RRM2: variants seen among roughly 807,000 people sequenced by gnomAD.
The protein encoded by RRM2 is ribonucleoside-diphosphate reductase subunit M2.
RRM2 carries 6 observed loss-of-function variants against 45.9 expected under a neutral mutation model. That is an observed-to-expected ratio of 0.13 (90% CI 0.07 to 0.26). The LOEUF (loss-of-function observed/expected upper bound fraction) is 0.26. RRM2 is among the 10% of genes least tolerant of loss of function. The pLI is 1.00. For synonymous variants in RRM2, 177 were observed against 173.0 expected, an observed-to-expected ratio of 1.02 and a Z score of -0.18; for missense variants, 343 against 489.5, an observed-to-expected ratio of 0.70 and a Z score of 2.82.
chr2:10,163,969 G>A (rs1479638794), intron 3 of RRM2, among the ~76,000 whole-genome samples: 2 of 152,042 alleles, frequency 1.3e-5, no homozygotes, highest in African/African-American at 2.4e-5. Flanking sequence ...AGTCCTGTGA[G>A]TTCATTTCCC....
In RRM2 at chr2:10,204,956, C is replaced by T. The variant is rs1664635924; in HGVS notation, n.483-5355C>T. 6.6e-6 allele frequency among the ~76,000 whole-genome samples: 1 copy of T among 152,190 alleles called. No homozygotes were observed. Among genetic ancestry groups the T allele is most frequent in the Admixed American group, 6.5e-5 (1 of 15,270 alleles). On this transcript the variant is annotated intron_variant and non_coding_transcript_variant, in intron 3 of 3. Transcript: ENST00000381786. The surrounding 1 kb of genome is among the most constrained non-coding windows in gnomAD (Gnocchi z 4.0). Reference sequence around the variant, plus strand: ...AGCATAGGCATGGTCCCTGGTGGTCCCCAGGAGCACGGCTCTAACACAGCC... The same window carrying T: ...AGCATAGGCATGGTCCCTGGTGGTCTCCAGGAGCACGGCTCTAACACAGCC...
Position 10,122,974 on chromosome 2 carries a change from T to TC in RRM2, c.100-5dup, listed in dbSNP as rs767576510. Reference sequence around the variant, plus strand: ...AAGCCGCTCCTCACTCACACGCGTCTCCCCGCAGCCGCCGGCCCTGAGCGG... The same window carrying TC: ...AAGCCGCTCCTCACTCACACGCGTCTCCCCCGCAGCCGCCGGCCCTGAGCGG... On this transcript the variant is annotated splice_polypyrimidine_tract_variant and intron_variant, in intron 1 of 9. Coordinates refer to ENST00000304567, the MANE Select transcript of RRM2 (RefSeq NM_001034.4). 1.9e-6 allele frequency: 3 copies of TC among 1,548,842 alleles called. No homozygotes were observed. In the African/African-American group the frequency reaches 4.1e-5, roughly 21 times the overall value.
chr2:10,145,151 CAG>C (rs1663163184), intron 3 of RRM2, among the ~76,000 whole-genome samples: 1 of 152,104 alleles, frequency 6.6e-6, no homozygotes, highest in Admixed American at 6.5e-5. Flanking sequence ...GAGCTCCTGG[CAG>C]AGTTTGCAGT....
At chr2:10,140,845 A>T (rs1229211819), upstream of RRM2, among the ~76,000 whole-genome samples, 1 of 152,076 alleles carries the variant, frequency 6.6e-6, no homozygotes, top group East Asian at 1.9e-4. Context: ...ATGTTCTTAT[A>T]ATAAGTGTTG....
At chr2:10,132,015 G>A (rs1662912557), downstream of RRM2, among the ~76,000 whole-genome samples, 1 of 152,176 alleles carries the variant, frequency 6.6e-6, no homozygotes, top group Admixed American at 6.5e-5. Context: ...TTGCTCTGCT[G>A]TCCCACATCT....
At chr2:10,177,505 A>G (rs1262218380) in intron 3 of RRM2, among the ~76,000 whole-genome samples, 1 of 152,168 alleles carries the variant, frequency 6.6e-6, no homozygotes, top group African/African-American at 2.4e-5. Flanking sequence ...AACTATATTG[A>G]TGTTGATTCA....
chr2:10,208,437 A>G (rs1664700502), intron 3 of RRM2, among the ~76,000 whole-genome samples: 1 of 152,238 alleles, frequency 6.6e-6, no homozygotes, highest in South Asian at 2.1e-4. Context: ...TCATTAAGGC[A>G]TCAAACATTT....
intron 3 of RRM2, among the ~76,000 whole-genome samples, chr2:10,164,035 TGA>T (rs1465420803): frequency 6.6e-6 from 1 of 151,956 alleles, no homozygotes; most frequent in Admixed American, 6.6e-5. Context: ...TGCATGAGTG[TGA>T]GTGTGAATAT....
At chr2:10,164,997 T>G (rs1663649902) in intron 3 of RRM2, among the ~76,000 whole-genome samples, 1 of 152,212 alleles carries the variant, frequency 6.6e-6, no homozygotes, top group Admixed American at 6.5e-5. Context: ...GCTTTACTCT[T>G]TTGGTTTCCT....
intron 3 of RRM2, among the ~76,000 whole-genome samples, chr2:10,149,460 T>C (rs188122706): frequency 7.9e-5 from 12 of 152,334 alleles, no homozygotes; most frequent in Non-Finnish European, 1.3e-4. Flanking sequence ...TTGTTTAATT[T>C]TCAGCGAAAA....
chr2:10,201,552 G>A (rs1022202624), intron 3 of RRM2, among the ~76,000 whole-genome samples: 1 of 152,156 alleles, frequency 6.6e-6, no homozygotes, highest in Non-Finnish European at 1.5e-5. Context: ...TCAGAAACCT[G>A]CATTCAAGAG....
At chr2:10,183,002 G>A (rs1043378945) in intron 3 of RRM2, among the ~76,000 whole-genome samples, 1 of 152,090 alleles carries the variant, frequency 6.6e-6, no homozygotes, top group Non-Finnish European at 1.5e-5. Flanking sequence ...ACATTAGGAA[G>A]ACCCTGTCTC....
chr2:10,194,025 C>T (rs1456297236), intron 3 of RRM2, among the ~76,000 whole-genome samples: 1 of 152,186 alleles, frequency 6.6e-6, no homozygotes, highest in Non-Finnish European at 1.5e-5. Flanking sequence ...TAATGCCAAA[C>T]ATAAACAAAT....
intron 3 of RRM2, among the ~76,000 whole-genome samples, chr2:10,165,660 C>T (rs994004861): frequency 2.0e-5 from 3 of 152,232 alleles, no homozygotes; most frequent in Non-Finnish European, 2.9e-5. Context: ...CCGCTCTCAT[C>T]CTCTCCTGGG....
chr2:10,122,598 G>C (rs1328601076), upstream of RRM2: 2 of 1,491,672 alleles, frequency 1.3e-6, no homozygotes, highest in African/African-American at 2.8e-5. Flanking sequence ...GGCCAGCCTG[G>C]GTAGGGGCAA....
At chr2:10,134,917 G>A (rs973406472), downstream of RRM2, among the ~76,000 whole-genome samples, 9 of 152,186 alleles carry the variant, frequency 5.9e-5, no homozygotes, top group African/African-American at 2.2e-4. Context: ...AGTCCCCAAG[G>A]AATCACACAT....
intron 3 of RRM2, among the ~76,000 whole-genome samples, chr2:10,202,171 CACA>C (rs1664580451): frequency 6.6e-6 from 1 of 152,184 alleles, no homozygotes; most frequent in Non-Finnish European, 1.5e-5. Context: ...ATCAGCCTTT[CACA>C]ACTAGCCCAA....
At chr2:10,184,118 A>AAAAG (rs1664116001) in intron 3 of RRM2, among the ~76,000 whole-genome samples, 2 of 148,788 alleles carry the variant, frequency 1.3e-5, no homozygotes, top group Non-Finnish European at 3.0e-5. Flanking sequence ...AAAAAAAAAA[A>AAAAG]AAGCAAAAAA....
chr2:10,177,663 T>TTTCCTTCTTCCTTCCTTCCTTCCTTCC (rs1663945122), intron 3 of RRM2, among the ~76,000 whole-genome samples: 1 of 141,150 alleles, frequency 7.1e-6, no homozygotes, highest in African/African-American at 2.8e-5. Flanking sequence ...CTTCTTTCCT[T>TTTCCTTCTTCCTTCCTTCCTTCCTTCC]TTCCTTCCTT....
Sources: gnomAD v4.1 joint callset for allele counts (sites outside exome capture counted in the v4.1 genomes callset) on GRCh38, gnomAD v4.1.1 for gene constraint, Gnocchi (gnomAD v3.1) non-coding constraint, MANE v1.5 for transcripts, NCBI Gene and HGNC (gene_info 2026-07-23, HGNC 2026-07-21) for gene names.